CCSER1: variants seen among roughly 807,000 people sequenced by gnomAD.
The protein encoded by CCSER1 is serine-rich coiled-coil domain-containing protein 1.
Under a neutral mutation model 82.0 loss-of-function variants are expected in CCSER1, and 41 were observed. The observed-to-expected ratio is 0.50, with a 90% CI of 0.39 to 0.65. CCSER1 has a LOEUF of 0.65. CCSER1 is among the 30% of genes least tolerant of loss of function. CCSER1 has a pLI of 0.00. For synonymous variants in CCSER1, 414 were observed against 383.9 expected, an observed-to-expected ratio of 1.08 and a Z score of -0.92; for missense variants, 1,119 against 1,064.2, an observed-to-expected ratio of 1.05 and a Z score of -0.72.
intron 1 of CCSER1, among the ~76,000 whole-genome samples, chr4:90,293,020 G>A (rs959770443): frequency 7.3e-5 from 11 of 151,246 alleles, no homozygotes; most frequent in African/African-American, 2.4e-4. Context: ...TCTTCTTTAC[G>A]TTCGTATCTG....
At chr4:91,165,932 C>G (rs1206711848) in intron 10 of CCSER1, among the ~76,000 whole-genome samples, 1 of 152,224 alleles carries the variant, frequency 6.6e-6, no homozygotes, top group African/African-American at 2.4e-5. Context: ...CCTCCATGGG[C>G]TGCACCTACT....
chr4:90,505,990 T>C (rs140495151), intron 5 of CCSER1, among the ~76,000 whole-genome samples: 1 of 152,328 alleles, frequency 6.6e-6, no homozygotes, highest in Non-Finnish European at 1.5e-5. Context: ...ATCTCTGTAA[T>C]ACACTTACAA....
At chr4:91,322,301 T>C (rs1174159719) in intron 10 of CCSER1, among the ~76,000 whole-genome samples, 1 of 152,124 alleles carries the variant, frequency 6.6e-6, no homozygotes, top group Non-Finnish European at 1.5e-5. Context: ...TTTTTTCTTG[T>C]AAATTCATCC....
At chr4:90,560,051 T>C (rs1778584646) in intron 5 of CCSER1, among the ~76,000 whole-genome samples, 1 of 151,990 alleles carries the variant, frequency 6.6e-6, no homozygotes, top group Non-Finnish European at 1.5e-5. Context: ...GTTACGATAA[T>C]AGCCTGCAAT....
At chr4:91,533,489 T>G (rs867630468) in intron 10 of CCSER1, among the ~76,000 whole-genome samples, 5 of 152,232 alleles carry the variant, frequency 3.3e-5, no homozygotes, top group Non-Finnish European at 4.4e-5. Context: ...ATTACGGTAG[T>G]TGAAATATGG....
chr4:90,303,130 T>C (rs1001268287), intron 1 of CCSER1, among the ~76,000 whole-genome samples: 1 of 152,204 alleles, frequency 6.6e-6, no homozygotes, highest in East Asian at 1.9e-4. Flanking sequence ...TGCAGATATC[T>C]TTTAGTATCT....
intron 1 of CCSER1, among the ~76,000 whole-genome samples, chr4:90,254,035 G>A (rs1458181212): frequency 2.0e-5 from 3 of 152,036 alleles, no homozygotes; most frequent in Admixed American, 6.6e-5. Context: ...TTCCTACCCT[G>A]GGAATGCTCT....
At chr4:90,914,114 G>A (rs1373306861) in intron 8 of CCSER1, among the ~76,000 whole-genome samples, 1 of 152,076 alleles carries the variant, frequency 6.6e-6, no homozygotes, top group African/African-American at 2.4e-5. Context: ...GTATATCCAG[G>A]AATTGAATTC....
At chr4:90,447,156 G>C (rs1190777884) in intron 4 of CCSER1, among the ~76,000 whole-genome samples, 1 of 152,140 alleles carries the variant, frequency 6.6e-6, no homozygotes, top group Non-Finnish European at 1.5e-5. Flanking sequence ...CTGTATTGCT[G>C]TGTAGTTTTG....
At chr4:91,535,389 T>A (rs941273882) in intron 10 of CCSER1, among the ~76,000 whole-genome samples, 3 of 151,976 alleles carry the variant, frequency 2.0e-5, no homozygotes, top group African/African-American at 7.2e-5. Flanking sequence ...TAGAACCAGA[T>A]GTGCTGAAAG....
At chr4:91,125,626 A>C (rs887073910) in intron 10 of CCSER1, among the ~76,000 whole-genome samples, 1 of 151,744 alleles carries the variant, frequency 6.6e-6, no homozygotes, top group African/African-American at 2.4e-5. Context: ...TCAGATATCC[A>C]TCTGTTGTAT....
chr4:90,191,592 G>C (rs1055092374), intron 1 of CCSER1, among the ~76,000 whole-genome samples: 2 of 151,972 alleles, frequency 1.3e-5, no homozygotes, highest in Non-Finnish European at 2.9e-5. Context: ...CTTATGCAGG[G>C]GTCCCTGCAG....
chr4:90,604,221 T>C (rs1039148), intron 5 of CCSER1, among the ~76,000 whole-genome samples: 67,739 of 152,018 alleles, frequency 0.45, 17,476 homozygotes, highest in African/African-American at 0.72. Context: ...TTACAAAATC[T>C]GTATTTTTTT....
At chr4:91,402,467 C>T (rs1752406579) in intron 10 of CCSER1, among the ~76,000 whole-genome samples, 1 of 152,126 alleles carries the variant, frequency 6.6e-6, no homozygotes, top group Non-Finnish European at 1.5e-5. Flanking sequence ...GAAGTCCTTG[C>T]CCATGCCTAT....
At chr4:91,363,076 T>A (rs915228654) in intron 10 of CCSER1, among the ~76,000 whole-genome samples, 1 of 151,608 alleles carries the variant, frequency 6.6e-6, no homozygotes, top group Non-Finnish European at 1.5e-5. Flanking sequence ...TTCTTTTTTG[T>A]CCACAAGAAA....
chr4:91,116,281 G>A (rs544587123), intron 10 of CCSER1, among the ~76,000 whole-genome samples: 2 of 152,270 alleles, frequency 1.3e-5, no homozygotes, highest in Middle Eastern at 3.4e-3. Context: ...TAGGGACATG[G>A]ATGAAGCTGG....
intron 10 of CCSER1, among the ~76,000 whole-genome samples, chr4:91,158,699 A>C (rs573812579): frequency 6.4e-4 from 97 of 151,880 alleles, no homozygotes; most frequent in Non-Finnish European, 5.6e-4. Flanking sequence ...GCACGCACAC[A>C]CACACGGCCT....
At chr4:90,718,566 G>A (rs996282425) in intron 6 of CCSER1, among the ~76,000 whole-genome samples, 4 of 152,068 alleles carry the variant, frequency 2.6e-5, no homozygotes, top group African/African-American at 9.7e-5. Context: ...ATGAAAGTAT[G>A]CAAAACAATT....
In CCSER1 at chr4:90,313,033, A is replaced by C; in HGVS notation, c.1495A>C (p.Lys499Gln). 1 of 1,601,208 alleles carries C rather than the reference A, an allele frequency of 6.2e-7. No homozygotes were observed. The highest frequency in any genetic ancestry group is 2.2e-5 in the East Asian group (1 of 44,600). Residue 499 changes from lysine to glutamine, a missense_variant, in exon 3 of 11, where the codon AAA becomes CAA. By Grantham distance (53) the Lys-to-Gln change is moderately conservative (BLOSUM62 1). Coordinates refer to ENST00000509176, the MANE Select transcript of CCSER1 (RefSeq NM_001145065.2). ...GCAAAGAGCAGGTTCTTCATCTTCA[A>C]AAATGAACAGTTTGGTAAGTATATA... The part of the protein sequence containing the change: ...RKQRAGSSSS[K>Q]MNSLDVLNNL...
Sources: gnomAD v4.1 joint callset for allele counts (sites outside exome capture counted in the v4.1 genomes callset) on GRCh38, gnomAD v4.1.1 for gene constraint, MANE v1.5 for transcripts, NCBI Gene and HGNC (gene_info 2026-07-23, HGNC 2026-07-21) for gene names.